The following NRXN3 variants were observed in gnomAD, a reference collection of about 807,000 sequenced individuals.
The protein encoded by NRXN3 is neurexin III.
Under a neutral mutation model 137.6 loss-of-function variants are expected in NRXN3, and 32 were observed. The ratio of observed to expected loss-of-function variants is 0.23; its 90% CI spans 0.18 to 0.31. NRXN3 has a LOEUF of 0.31. Among genes scored for constraint, NRXN3 ranks in the 10% least tolerant of loss-of-function variants. The pLI is 1.00. For synonymous variants in NRXN3, 798 were observed against 784.5 expected (o/e 1.02, Z -0.29); for missense variants, 1,574 against 2,062.5 (o/e 0.76, Z 4.59).
intron 4 of NRXN3, among the ~76,000 whole-genome samples, chr14:78,377,817 A>G (rs2088182310): frequency 6.6e-6 from 1 of 152,204 alleles, no homozygotes; most frequent in Non-Finnish European, 1.5e-5. Context: ...TTGTCTCCAA[A>G]TAAAGTCACA....
intron 4 of NRXN3, among the ~76,000 whole-genome samples, chr14:78,534,363 G>A (rs575246978): frequency 1.3e-5 from 2 of 152,266 alleles, no homozygotes; most frequent in Admixed American, 6.5e-5. Context: ...ACAGACAGAC[G>A]TCAGTGGATC....
intron 13 of NRXN3, among the ~76,000 whole-genome samples, chr14:78,967,675 A>G (rs376051651): frequency 3.7e-4 from 57 of 152,292 alleles, no homozygotes; most frequent in African/African-American, 1.1e-3. Context: ...GAAGGGCCGT[A>G]ATACAGAGGA....
chr14:78,708,182 T>G (rs2098374319), intron 6 of NRXN3, among the ~76,000 whole-genome samples: 1 of 152,200 alleles, frequency 6.6e-6, no homozygotes, highest in Non-Finnish European at 1.5e-5. Context: ...ACTGCCATCC[T>G]CACGTTCTCC....
chr14:79,563,186 CATAGAGAA>C (rs2097516970), intron 16 of NRXN3, among the ~76,000 whole-genome samples: 1 of 152,020 alleles, frequency 6.6e-6, no homozygotes, highest in African/African-American at 2.4e-5. Context: ...AATTCTTATC[CATAGAGAA>C]TAATATTAGA....
At chr14:78,540,204 G>A (rs945988745) in intron 4 of NRXN3, among the ~76,000 whole-genome samples, 3 of 152,068 alleles carry the variant, frequency 2.0e-5, no homozygotes, top group Middle Eastern at 3.2e-3. Context: ...ATTGGCAGTG[G>A]GGTTTTAAAG....
At chr14:79,764,585 G>T (rs1285591961) in intron 19 of NRXN3, among the ~76,000 whole-genome samples, 1 of 152,098 alleles carries the variant, frequency 6.6e-6, no homozygotes, top group Non-Finnish European at 1.5e-5. Context: ...CTAATAAACC[G>T]TGCTGTTTTC....
intron 4 of NRXN3, among the ~76,000 whole-genome samples, chr14:78,591,102 A>G (rs2097112010): frequency 6.6e-6 from 1 of 152,128 alleles, no homozygotes; most frequent in African/African-American, 2.4e-5. Context: ...CTGGAGATCT[A>G]CTTAACAGGA....
At chr14:79,096,488 C>G (rs2050360209) in intron 15 of NRXN3, among the ~76,000 whole-genome samples, 1 of 152,074 alleles carries the variant, frequency 6.6e-6, no homozygotes, top group African/African-American at 2.4e-5. Context: ...TATCTTGTTA[C>G]TTGTGTTCCA....
intron 16 of NRXN3, among the ~76,000 whole-genome samples, chr14:79,552,322 T>C (rs1352243169): frequency 6.6e-6 from 1 of 152,276 alleles, no homozygotes. Flanking sequence ...CATGTTACAG[T>C]GGGAAGTAGC....
chr14:79,644,367 C>G (rs867350380), intron 16 of NRXN3, among the ~76,000 whole-genome samples: 2 of 135,626 alleles, frequency 1.5e-5, no homozygotes, highest in South Asian at 4.6e-4. Context: ...CCATGGAAAT[C>G]TCCTGAGAGA....
intron 15 of NRXN3, among the ~76,000 whole-genome samples, chr14:79,226,814 CTTTT>C (rs3035642): frequency 1.8e-4 from 18 of 98,482 alleles, no homozygotes; most frequent in Non-Finnish European, 2.0e-4. Context: ...TCCTTTTTTT[CTTTT>C]TTTTTTTTTT....
chr14:79,669,115 G>A (rs1420245120), intron 17 of NRXN3: 1 of 151,970 alleles, frequency 6.6e-6, no homozygotes, highest in Non-Finnish European at 1.5e-5. Context: ...CAGATTTGAA[G>A]CATGCATTAA....
In NRXN3 at chr14:79,819,482, C is replaced by CTTT. The variant is rs58492725; in HGVS notation, c.4093+14310_4093+14312dup. ...ATAGGATACAACAGGACATTAAAAG[C>CTTT]TTTTTTTTTTTTTTTTTTTTGAGAC... On this transcript the variant is annotated intron_variant, in intron 20 of 20. Transcript: ENST00000335750. Among the ~76,000 whole-genome samples the CTTT allele has an allele frequency of 2.5e-4, 18 of 71,918 alleles. 1 individual carries two copies. Among genetic ancestry groups the CTTT allele is most frequent in the East Asian group, 1.6e-3 (3 of 1,918 alleles). 47.2% of individuals were successfully genotyped at this position (71,918 alleles called of 152,430 possible).
intron 6 of NRXN3, among the ~76,000 whole-genome samples, chr14:78,702,723 C>T (rs987483983): frequency 1.3e-5 from 2 of 151,812 alleles, no homozygotes; most frequent in Non-Finnish European, 1.5e-5. Context: ...GGATTACAGG[C>T]GAAAGCCCCT....
chr14:78,519,156 A>T (rs1042158687), intron 4 of NRXN3, among the ~76,000 whole-genome samples: 1 of 152,182 alleles, frequency 6.6e-6, no homozygotes, highest in African/African-American at 2.4e-5. Flanking sequence ...AAAACCTTAC[A>T]AGAAAGTTGA....
chr14:78,927,841 G>A (rs1388830590), intron 10 of NRXN3, among the ~76,000 whole-genome samples: 4 of 152,116 alleles, frequency 2.6e-5, no homozygotes, highest in Non-Finnish European at 1.5e-5. Flanking sequence ...AGGCACCATG[G>A]TTAGTGTCAT....
intron 4 of NRXN3, among the ~76,000 whole-genome samples, chr14:78,466,825 A>C (rs1222139648): frequency 2.6e-5 from 4 of 152,218 alleles, no homozygotes; most frequent in Non-Finnish European, 4.4e-5. Flanking sequence ...CGGTGTGAAC[A>C]TGAGGATAGA....
At chr14:79,721,337 A>G (rs1241286884) in intron 19 of NRXN3, among the ~76,000 whole-genome samples, 2 of 152,120 alleles carry the variant, frequency 1.3e-5, no homozygotes, top group Non-Finnish European at 2.9e-5. Flanking sequence ...GTGGTATGTG[A>G]GCCTCCTTGG....
chr14:79,268,800 C>T (rs7148784), intron 15 of NRXN3, among the ~76,000 whole-genome samples: 6,414 of 152,164 alleles, frequency 0.042, 354 homozygotes, highest in African/African-American at 0.12. Flanking sequence ...AATTGTAAAA[C>T]AGAGATACTT....
Sources: gnomAD v4.1 joint callset for allele counts (sites outside exome capture counted in the v4.1 genomes callset) on GRCh38, gnomAD v4.1.1 for gene constraint, MANE v1.5 for transcripts, NCBI Gene and HGNC (gene_info 2026-07-23, HGNC 2026-07-21) for gene names.